SLC39A12: variants seen among roughly 807,000 people sequenced by gnomAD.
The protein encoded by SLC39A12 is zinc transporter ZIP12.
Under a neutral mutation model 71.1 loss-of-function variants are expected in SLC39A12, and 63 were observed. The ratio of observed to expected loss-of-function variants is 0.89; its 90% confidence interval spans 0.72 to 1.09. The LOEUF (loss-of-function observed/expected upper bound fraction) is 1.09. Ranked by LOEUF, SLC39A12 falls within the 50% of genes least tolerant of loss-of-function variation. The pLI, the probability that SLC39A12 is intolerant of heterozygous loss-of-function variation, is 0.00. For missense variants in SLC39A12, 892 were observed against 812.6 expected (o/e 1.10, Z -1.19); for synonymous variants, 351 against 301.3 (o/e 1.16, Z -1.71).
intron 12 of SLC39A12, among the ~76,000 whole-genome samples, chr10:18,004,573 G>A (rs11012037): frequency 0.032 from 4,940 of 152,208 alleles, 132 homozygotes; most frequent in South Asian, 0.081. Context: ...CTGAGTTTCC[G>A]GATGTTTTTC....
At chr10:17,986,104 C>G (rs760665475) in intron 6 of SLC39A12, among the ~76,000 whole-genome samples, 1 of 152,138 alleles carries the variant, frequency 6.6e-6, no homozygotes, top group Non-Finnish European at 1.5e-5. Flanking sequence ...ACTGCCAAAC[C>G]TTATGCTTCC....
chr10:17,965,302 C>T (rs1370696820), intron 3 of SLC39A12, among the ~76,000 whole-genome samples, 181 bp from the exon 4 acceptor site: 8 of 152,020 alleles, frequency 5.3e-5, no homozygotes, highest in Non-Finnish European at 1.2e-4. Context: ...TAGATAAACA[C>T]ATAATTTTCA....
intron 12 of SLC39A12, among the ~76,000 whole-genome samples, chr10:18,039,732 A>T (rs11012332): frequency 2.6e-5 from 4 of 152,210 alleles, no homozygotes; most frequent in Admixed American, 2.0e-4. Flanking sequence ...AATCAAAAAA[A>T]AGAAAAACAA....
At chr10:18,041,800 T>C (rs1837257359) in intron 12 of SLC39A12, among the ~76,000 whole-genome samples, 1 of 147,654 alleles carries the variant, frequency 6.8e-6, no homozygotes, top group African/African-American at 2.5e-5. Context: ...TGTCTATATG[T>C]ATATACATAT....
intron 12 of SLC39A12, chr10:18,005,786 T>C (rs1214321069): frequency 6.6e-6 from 1 of 152,026 alleles, no homozygotes; most frequent in East Asian, 1.9e-4. Context: ...CCAGCTGGCA[T>C]AAATCTTGAC....
intron 4 of SLC39A12, among the ~76,000 whole-genome samples, chr10:17,969,477 C>A (rs914076184): frequency 6.6e-6 from 1 of 152,102 alleles, no homozygotes; most frequent in African/African-American, 2.4e-5. Context: ...TTGGCTATAA[C>A]CCGTTTTAAC....
chr10:17,992,587 T>C (rs78715978), intron 8 of SLC39A12, among the ~76,000 whole-genome samples: 12,342 of 152,218 alleles, frequency 0.081, 726 homozygotes, highest in Non-Finnish European at 0.12. Flanking sequence ...TTATACCCAA[T>C]GGATTAACAT....
At chr10:18,039,916 A>G (rs142057762) in intron 12 of SLC39A12, among the ~76,000 whole-genome samples, 62 of 152,154 alleles carry the variant, frequency 4.1e-4, no homozygotes, top group African/African-American at 1.4e-3. Context: ...AAACCAAAAC[A>G]CTCTGAATGT....
At chr10:18,016,787 A>G (rs866190447) in intron 12 of SLC39A12, among the ~76,000 whole-genome samples, 3 of 152,180 alleles carry the variant, frequency 2.0e-5, no homozygotes, top group South Asian at 2.1e-4. Flanking sequence ...GCAATTCACT[A>G]ATAATATAAA....
chr10:17,994,312 CT>C (rs1835630914), intron 9 of SLC39A12, among the ~76,000 whole-genome samples: 1 of 152,122 alleles, frequency 6.6e-6, no homozygotes, highest in African/African-American at 2.4e-5. Context: ...CATAATTCCT[CT>C]TGTTATTTAA....
intron 3 of SLC39A12, among the ~76,000 whole-genome samples, chr10:17,963,323 C>G (rs1464003763): frequency 3.3e-5 from 5 of 152,144 alleles, no homozygotes; most frequent in Non-Finnish European, 7.4e-5. Flanking sequence ...TTAATCCTAC[C>G]CATTACTGCC....
intron 5 of SLC39A12, among the ~76,000 whole-genome samples, chr10:17,980,177 G>A (rs181284503): frequency 1.7e-4 from 26 of 152,004 alleles, no homozygotes; most frequent in African/African-American, 6.3e-4. Context: ...TTTCCTCTTG[G>A]TTTTCTGATT....
chr10:17,996,723 C>T (rs1589237909), intron 10 of SLC39A12, among the ~76,000 whole-genome samples: 3 of 152,158 alleles, frequency 2.0e-5, no homozygotes, highest in African/African-American at 2.4e-5. Context: ...CACCGGCGGG[C>T]GCGGTGGCTC....
At chr10:18,010,958 T>C (rs1337942369) in intron 12 of SLC39A12, among the ~76,000 whole-genome samples, 2 of 152,188 alleles carry the variant, frequency 1.3e-5, no homozygotes, top group Non-Finnish European at 2.9e-5. Context: ...TAACTAATAG[T>C]AAATGTATTT....
Position 17,993,220 on chromosome 10 carries a change from C to T in SLC39A12, c.1462C>T (p.His488Tyr). 6.4e-7 allele frequency: 1 copy of T among 1,551,782 alleles called. No homozygotes were observed. Among genetic ancestry groups the T allele is most frequent in the South Asian group, 1.2e-5 (1 of 84,026 alleles). Reference sequence around the variant, plus strand: ...GGTTAATGGGCACGTGGGTCATTCCCACCATCTTGCACTCAACTCTGAATT... The same window carrying T: ...GGTTAATGGGCACGTGGGTCATTCCTACCATCTTGCACTCAACTCTGAATT... ...SLVNGHVGHSHHLALNSELSD... is the reference protein window; with the variant it reads ...SLVNGHVGHSYHLALNSELSD... Residue 488 changes from histidine (H) to tyrosine (Y), a missense_variant, in exon 9 of 13, where the codon CAC (histidine) becomes TAC (tyrosine). By Grantham distance (83) the His-to-Tyr change is moderately conservative. Coordinates refer to ENST00000377369, the MANE Select transcript of SLC39A12 (RefSeq NM_001145195.2).
At chr10:18,025,736 TG>T (rs1015639630) in intron 12 of SLC39A12, among the ~76,000 whole-genome samples, 1 of 152,200 alleles carries the variant, frequency 6.6e-6, no homozygotes, top group African/African-American at 2.4e-5. Flanking sequence ...TATAATCCTT[TG>T]GGTATTATAC....
chr10:17,953,620 C>CA, intron 2 of SLC39A12, 83 bp downstream of exon 2: 1 of 1,458,652 alleles, frequency 6.9e-7, no homozygotes, highest in Non-Finnish European at 9.2e-7. Context: ...TTCAGTAAAG[C>CA]AAAATCACAG....
At chr10:17,957,006 C>T (rs1554847843) in intron 2 of SLC39A12, among the ~76,000 whole-genome samples, 1 of 152,050 alleles carries the variant, frequency 6.6e-6, no homozygotes, top group East Asian at 1.9e-4. Context: ...TAGCCACCCC[C>T]CACCTCCGGA....
intron 12 of SLC39A12, among the ~76,000 whole-genome samples, chr10:18,029,022 A>C (rs1162127764): frequency 1.3e-5 from 2 of 151,214 alleles, no homozygotes; most frequent in Non-Finnish European, 2.9e-5. Flanking sequence ...GCCCCACCAA[A>C]ACTTTTTTTT....
Sources: allele counts gnomAD v4.1 joint callset (sites outside exome capture counted in the v4.1 genomes callset), GRCh38; gene constraint gnomAD v4.1.1; transcripts MANE v1.5; gene names NCBI Gene and HGNC (gene_info 2026-07-23, HGNC 2026-07-21).